The following DDX46 variants were observed in gnomAD, a reference collection of about 807,000 sequenced individuals.
DDX46 encodes DEAD-box helicase 46.
A neutral mutation model predicts 134.9 loss-of-function variants in DDX46; 30 were observed. That is an observed-to-expected ratio of 0.22 (90% CI 0.17 to 0.30). DDX46 has a LOEUF of 0.30. Among genes scored for constraint, DDX46 ranks in the 10% least tolerant of loss-of-function variants. The pLI is 1.00. For missense variants in DDX46, 622 were observed against 1,248.7 expected, an observed-to-expected ratio of 0.50 and a Z score of 7.56; for synonymous variants, 415 against 404.1, an observed-to-expected ratio of 1.03 and a Z score of -0.32.
chr5:134,788,207 CT>C (rs1236813897), intron 11 of DDX46, among the ~76,000 whole-genome samples: 6 of 151,958 alleles, frequency 3.9e-5, no homozygotes, highest in African/African-American at 1.5e-4. Flanking sequence ...TCACTCCAAC[CT>C]TGAACTCCTG....
chr5:134,804,261 T>C (rs142179033), intron 15 of DDX46, among the ~76,000 whole-genome samples: 143 of 152,284 alleles, frequency 9.4e-4, no homozygotes, highest in Non-Finnish European at 1.5e-3. Context: ...TTCATAATAA[T>C]CCAATGATGT....
chr5:134,796,178 A>G (rs542628126), intron 15 of DDX46, 28 bp downstream of exon 15: 21 of 1,608,854 alleles, frequency 1.3e-5, no homozygotes, highest in Middle Eastern at 3.3e-4. Flanking sequence ...TCACACATAA[A>G]ATATCTATTA....
At chr5:134,761,600 A>C (rs10067976) in intron 1 of DDX46, among the ~76,000 whole-genome samples, 63,527 of 151,996 alleles carry the variant, frequency 0.42, 15,791 homozygotes, top group African/African-American at 0.68. Context: ...TCCTTGAACT[A>C]CAGGCTAATA....
chr5:134,794,950 G>A lies in DDX46; in HGVS notation c.1727G>A (p.Ser576Asn). The change falls in exon 14 of 23, where the codon AGT becomes AAT. Residue 576 changes from serine (S) to asparagine (N), a missense_variant. By Grantham distance (46) the Ser-to-Asn change is conservative. Around this residue, in one of 8 missense-constraint regions of DDX46, gnomAD observed 209 missense variants for 508.4 expected, o/e 0.41. Transcript: ENST00000452510. ...GAGGCTTTGGCTCGCAGGATCCTCA[G>A]TAAACCTATTGAAGTACAAGTTGGA... ...AMEALARRIL[S>N]KPIEVQVGGR... is the part of the protein sequence containing the mutation. The A allele has an allele frequency of 6.2e-7, 1 of 1,614,200 alleles. No homozygotes were observed. The highest frequency in any genetic ancestry group is 1.1e-5 in the South Asian group (1 of 91,082).
At chr5:134,787,904 G>C (rs1401690192) in intron 11 of DDX46, among the ~76,000 whole-genome samples, 2 of 150,856 alleles carry the variant, frequency 1.3e-5, no homozygotes, top group Non-Finnish European at 1.5e-5. Flanking sequence ...GGTGTGTGGG[G>C]TGGTGGGGGG....
intron 15 of DDX46, chr5:134,805,062 G>T (rs1754941286): frequency 3.0e-6 from 1 of 330,628 alleles, no homozygotes; most frequent in South Asian, 3.1e-5. Flanking sequence ...AGGGATTCCA[G>T]ACAACCTAGT....
chr5:134,764,072 A>G lies in DDX46; in HGVS notation c.186A>G (p.Ser62=). The G allele has an allele frequency of 1.9e-6, 3 of 1,612,266 alleles. No individual in the cohort carries two copies. Among genetic ancestry groups the G allele is most frequent in the Non-Finnish European group, 2.5e-6 (3 of 1,179,352 alleles). ...SRSRDKRRSR[S]RDRKRLRRSR... ...GCAGGGATAAAAGAAGATCTCGGTC[A>G]AGGGACAGGAAGCGTCTGAGGTAAG... The change falls in exon 2 of 23, where the codon TCA becomes TCG. Residue 62 remains serine (S), a synonymous_variant. Coordinates refer to ENST00000452510, the MANE Select transcript of DDX46 (RefSeq NM_001300860.2).
intron 18 of DDX46, among the ~76,000 whole-genome samples, chr5:134,815,611 G>T (rs1755264657): frequency 6.8e-6 from 1 of 146,364 alleles, no homozygotes; most frequent in South Asian, 2.2e-4. Context: ...GGAGGCTGAG[G>T]CAGAAGAATG....
rs1054500424 is a variant in DDX46 at position 134,807,653 on chromosome 5, G to A, written c.1955-95G>A. Reference sequence around the variant, plus strand: ...ATTTTCTATATTTTAGGAGTTGGATGTGTCAATTTGTTCTTCACTGAGTTT... The same window carrying A: ...ATTTTCTATATTTTAGGAGTTGGATATGTCAATTTGTTCTTCACTGAGTTT... On this transcript the variant is annotated intron_variant, in intron 15 of 22. Transcript: ENST00000452510. 13 of 1,063,650 alleles carry A rather than the reference G, an allele frequency of 1.2e-5. No individual in the cohort carries two copies. In the Admixed American group the frequency reaches 2.0e-4, roughly 17 times the overall value. The allele number at this position is 1,063,650 out of a possible 1,614,324, so 65.9% of individuals were successfully genotyped here.
At position 134,797,216 on chromosome 5, in the gene DDX46, G is replaced by C. The variant is rs1480943883; in HGVS notation, c.1954+1066G>C. On this transcript the variant is annotated intron_variant, in intron 15 of 22. Transcript: ENST00000452510. ...AAAAAAACACAAAACACATGGAACA[G>C]AGACAGTTTGAATTATTCTCATTAA... is the stretch of plus-strand genomic sequence containing the variant. 5 of 211,112 alleles carry C rather than the reference G, an allele frequency of 2.4e-5. No homozygotes were observed. In the Admixed American group the frequency reaches 3.1e-4, roughly 13 times the overall value. The allele number at this position is 211,112 out of a possible 1,614,324, so 13.1% of individuals were successfully genotyped here.
chr5:134,818,969 A>G lies in DDX46; in HGVS notation c.2942A>G (p.Lys981Arg), dbSNP rs1266139652. The change falls in exon 21 of 23, where the codon AAG (lysine) becomes AGG (arginine). Residue 981 changes from lysine (K) to arginine (R), a missense_variant. Around this residue, in one of 8 missense-constraint regions of DDX46, gnomAD observed 76 missense variants for 213.0 expected, o/e 0.36. Coordinates refer to ENST00000452510, the MANE Select transcript of DDX46 (RefSeq NM_001300860.2). ...GTYFPPGKEP[K>R]EGERKIYLAI... Reference sequence around the variant, plus strand: ...TACTTCCCTCCTGGCAAAGAACCCAAGGAAGGCGAGCGGAAGATTTACTTG... The same window carrying G: ...TACTTCCCTCCTGGCAAAGAACCCAGGGAAGGCGAGCGGAAGATTTACTTG... The G allele has an allele frequency of 2.5e-6, 4 of 1,613,874 alleles. No homozygotes were observed. Among genetic ancestry groups the G allele is most frequent in the African/African-American group, 1.3e-5 (1 of 74,926 alleles).
In DDX46 at chr5:134,766,934, A is replaced by G. The variant is rs1050668287; in HGVS notation, c.224A>G (p.Glu75Gly). The part of the protein sequence containing the change: ...RKRLRRSRSR[E>G]RDRSRERRRS... ...CCTTTCAGACGTTCCAGAAGTAGAG[A>G]GAGAGACAGAAGCCGAGAGCGAAGA... The change falls in exon 3 of 23, where the codon GAG (glutamate) becomes GGG (glycine). Residue 75 changes from glutamate (E) to glycine (G), a missense_variant. Coordinates refer to ENST00000452510, the MANE Select transcript of DDX46 (RefSeq NM_001300860.2). 3 of 1,613,734 alleles carry G rather than the reference A, an allele frequency of 1.9e-6. No homozygotes were observed. The highest frequency in any genetic ancestry group is 1.3e-5 in the African/African-American group (1 of 74,900).
intron 5 of DDX46, among the ~76,000 whole-genome samples, 186 bp from the exon 6 acceptor site, chr5:134,777,388 T>A (rs747025594): frequency 6.6e-6 from 1 of 152,218 alleles, no homozygotes; most frequent in Non-Finnish European, 1.5e-5. Context: ...TCAGAAGTAA[T>A]ACATGCTTCA....
At chr5:134,780,825 T>G (rs1754129148) in intron 6 of DDX46, 1 of 167,068 alleles carries the variant, frequency 6.0e-6, no homozygotes, top group African/African-American at 2.4e-5. Context: ...AGCCAAGTAG[T>G]TCAAGACCAG....
At chr5:134,797,875 C>CAATCA (rs1754713677) in intron 15 of DDX46, among the ~76,000 whole-genome samples, 1 of 150,674 alleles carries the variant, frequency 6.6e-6, no homozygotes, top group Non-Finnish European at 1.5e-5. Flanking sequence ...TGCAATGGCG[C>CAATCA]AATCCTGGCT....
At chr5:134,811,134 T>C (rs1755130156) in intron 16 of DDX46, 87 bp from the exon 17 acceptor site, 1 of 1,193,452 alleles carries the variant, frequency 8.4e-7, no homozygotes, top group African/African-American at 1.5e-5. Flanking sequence ...CTCGAGGATT[T>C]ATTAGGTGGA....
chr5:134,772,262 G>T lies in DDX46; in HGVS notation c.447+1263G>T, dbSNP rs542500272. On this transcript the variant is annotated intron_variant, in intron 4 of 22. Transcript: ENST00000452510. Reference sequence around the variant, plus strand: ...GTGAAGGCCAGGCATGGTGGCTCGTGCCTGTAATCTCAGCAGTTCGGGAGG... The same window carrying T: ...GTGAAGGCCAGGCATGGTGGCTCGTTCCTGTAATCTCAGCAGTTCGGGAGG... Among the ~76,000 whole-genome samples, 124 of 152,118 alleles carry T rather than the reference G, an allele frequency of 8.2e-4. 1 individual carries two copies. The highest frequency in any genetic ancestry group is 1.5e-3 in the Non-Finnish European group (104 of 67,980).
chr5:134,772,732 C>T (rs1435236096), intron 4 of DDX46, among the ~76,000 whole-genome samples: 2 of 152,178 alleles, frequency 1.3e-5, no homozygotes, highest in Non-Finnish European at 2.9e-5. Context: ...TCTTGAACTC[C>T]TGACCTCAGG....
intron 16 of DDX46, among the ~76,000 whole-genome samples, chr5:134,809,647 T>C (rs911790932): frequency 6.6e-6 from 1 of 151,882 alleles, no homozygotes; most frequent in African/African-American, 2.4e-5. Flanking sequence ...AATACTGGGA[T>C]TACAGGCATG....
Sources: allele counts gnomAD v4.1 joint callset (sites outside exome capture counted in the v4.1 genomes callset), GRCh38; gene constraint gnomAD v4.1.1; regional missense constraint gnomAD v4.1.1; transcripts MANE v1.5; gene names NCBI Gene and HGNC (gene_info 2026-07-23, HGNC 2026-07-21).